The following CTR9 variants were observed in gnomAD, a reference collection of about 807,000 sequenced individuals.
CTR9 encodes the protein RNA polymerase-associated protein CTR9 homolog.
A neutral mutation model predicts 152.1 loss-of-function variants in CTR9; 41 were observed. That is an observed-to-expected ratio of 0.27 (90% CI 0.21 to 0.35). The LOEUF is 0.35. Ranked by LOEUF, CTR9 falls within the 10% of genes least tolerant of loss-of-function variation. The pLI, the probability that CTR9 is intolerant of heterozygous loss-of-function variation, is 1.00. For synonymous variants in CTR9, 476 were observed against 496.2 expected (o/e 0.96, Z 0.54); for missense variants, 917 against 1,424.4 (o/e 0.64, Z 5.73).
At chr11:10,777,006 A>T (rs927368969) in intron 24 of CTR9, among the ~76,000 whole-genome samples, 2 of 142,852 alleles carry the variant, frequency 1.4e-5, no homozygotes, top group Non-Finnish European at 3.0e-5. Flanking sequence ...AGCTCACATT[A>T]TAGTTGGATT....
intron 12 of CTR9, 49 bp from the exon 13 acceptor site, chr11:10,766,353 C>A (rs747514862): frequency 2.2e-6 from 3 of 1,371,606 alleles, no homozygotes; most frequent in Admixed American, 2.0e-5. Flanking sequence ...AAATTATGAT[C>A]CTTTATAGCT....
In CTR9 at chr11:10,763,872, T is replaced by C. The variant is rs1423755441; in HGVS notation, c.1187T>C (p.Ile396Thr). Residue 396 changes from isoleucine (I) to threonine (T), a missense_variant, in exon 9 of 25, where the codon ATT becomes ACT. Around this residue, in one of 9 missense-constraint regions of CTR9, gnomAD observed 133 missense variants for 244.1 expected, o/e 0.54. Coordinates refer to ENST00000361367, the MANE Select transcript of CTR9 (RefSeq NM_014633.5). ...AASEDQEKRD[I>T]AKGHLKKVTE... ...TCAGAAGATCAAGAAAAACGAGATA[T>C]TGCCAAGGTACATCTTTTTTTTAAA... 2.5e-6 allele frequency: 4 copies of C among 1,599,512 alleles called. No homozygotes were observed. The East Asian group carries it at 6.7e-5, about 27-fold the overall frequency.
chr11:10,775,637 G>T lies in CTR9; in HGVS notation c.3095+4G>T. 1 of 1,577,638 alleles carries T rather than the reference G, an allele frequency of 6.3e-7. No individual in the cohort carries two copies. The highest frequency in any genetic ancestry group is 8.7e-7 in the Non-Finnish European group (1 of 1,149,494). ...AACTTAAAATTGCTGATGAAGGGTA[G>T]GATATTTTCTCTTTGTAAATTCTTC... is the stretch of plus-strand genomic sequence containing the variant. On this transcript the variant is annotated splice_donor_region_variant and intron_variant, in intron 24 of 24. Transcript: ENST00000361367.
intron 21 of CTR9, 97 bp from the exon 22 acceptor site, chr11:10,773,915 C>G (rs117224527): frequency 1.5e-6 from 1 of 668,988 alleles, no homozygotes; most frequent in Non-Finnish European, 2.4e-6. Context: ...CCTTCATTGT[C>G]AAATGACAAT....
Position 10,755,130 on chromosome 11 carries a change from A to G in CTR9, c.317A>G (p.Lys106Arg). 1 of 1,614,050 alleles carries G rather than the reference A, an allele frequency of 6.2e-7. No homozygotes were observed. Among genetic ancestry groups the G allele is most frequent in the Non-Finnish European group, 8.5e-7 (1 of 1,179,934 alleles). ...QARKEKNKDN[K>R]KDLITQATLL... ...CGGAAAGAAAAGAATAAGGACAATA[A>G]AAAGGATCTTATTACACAGGCCACC... Residue 106 changes from lysine to arginine, a missense_variant, in exon 3 of 25, where the codon AAA becomes AGA. By Grantham distance (26) the Lys-to-Arg change is conservative. This residue lies in a region of CTR9 where 67 missense variants were observed against 106.9 expected (regional missense o/e 0.63). Transcript: ENST00000361367.
chr11:10,766,780 T>C lies in CTR9; in HGVS notation c.1686+290T>C, dbSNP rs16908279. Among the ~76,000 whole-genome samples the C allele has an allele frequency of 0.02, 3,089 of 152,298 alleles. 108 individuals are homozygous for C. The highest frequency in any genetic ancestry group is 0.07 in the African/African-American group (2,920 of 41,558). ...AACAAATGTGACCTGACTCCTGTGT[T>C]TTTTACTCTCACTAGTTTACTTCAC... On this transcript the variant is annotated intron_variant, in intron 13 of 24. Transcript: ENST00000361367.
At chr11:10,761,573 G>T (rs1418225298) in intron 6 of CTR9, among the ~76,000 whole-genome samples, 1 of 151,902 alleles carries the variant, frequency 6.6e-6, no homozygotes, top group East Asian at 1.9e-4. Flanking sequence ...TCATGCCAGT[G>T]TACTCCATCC....
chr11:10,775,262 C>T lies in CTR9; in HGVS notation c.2941C>T (p.Pro981Ser), dbSNP rs964105038. 6.2e-7 allele frequency: 1 copy of T among 1,613,824 alleles called. No homozygotes were observed. The change falls in exon 23 of 25, where the codon CCA (proline) becomes TCA (serine). Residue 981 changes from proline (P) to serine (S), a missense_variant. Physicochemically the swap from Pro to Ser is moderately conservative, Grantham distance 74. Around this residue, in one of 9 missense-constraint regions of CTR9, gnomAD observed 384 missense variants for 398.4 expected, o/e 0.96. Transcript: ENST00000361367. Reference protein sequence around the residue: ...DDDETENGPKPKKRRPPKAEK... With the variant: ...DDDETENGPKSKKRRPPKAEK... ...TGATGAAACAGAAAATGGCCCCAAA[C>T]CAAAAAAACGACGTCCACCAAAAGC...
intron 4 of CTR9, 141 bp from the exon 5 acceptor site, chr11:10,756,606 CAA>C (rs938096513): frequency 1.7e-5 from 9 of 538,530 alleles, no homozygotes; most frequent in African/African-American, 5.9e-5. Context: ...TTATGAAAAA[CAA>C]ATTTTTAATA....
chr11:10,751,297 G>A lies in CTR9; in HGVS notation c.-116G>A, dbSNP rs1172779980. ...GAAGCCAGAGCTCCAGCGGCGCCGC[G>A]GGGCGGCAGTCAAGACCAGAGCCGG... On this transcript the variant is annotated 5_prime_UTR_variant, in exon 1 of 25. Transcript: ENST00000361367. 2 of 1,091,380 alleles carry A rather than the reference G, an allele frequency of 1.8e-6. No individual in the cohort carries two copies. The highest frequency in any genetic ancestry group is 3.1e-5 in the African/African-American group (2 of 64,554). 67.6% of individuals were successfully genotyped at this position (1,091,380 alleles called of 1,614,324 possible).
chr11:10,778,681 A>G lies in CTR9; in HGVS notation c.3098A>G (p.His1033Arg), dbSNP rs775961855. Reference protein sequence around the residue: ...EDKLKIADEGHPRNSNSNSDS... With the variant: ...EDKLKIADEGRPRNSNSNSDS... ...TAACCAATGATCATCTTTGCCAGAC[A>G]TCCCAGGAACAGCAACAGCAACAGT... The change falls in exon 25 of 25, where the codon CAT becomes CGT. Residue 1033 changes from histidine to arginine, a missense_variant and splice_region_variant. His to Arg is a conservative substitution (Grantham distance 29). Coordinates refer to ENST00000361367, the MANE Select transcript of CTR9 (RefSeq NM_014633.5). The G allele has an allele frequency of 1.9e-6, 3 of 1,607,218 alleles. No homozygotes were observed. The highest frequency in any genetic ancestry group is 4.5e-5 in the East Asian group (2 of 44,712).
chr11:10,763,353 A>G (rs1863007627), intron 7 of CTR9, 78 bp from the exon 8 acceptor site: 1 of 928,480 alleles, frequency 1.1e-6, no homozygotes, highest in East Asian at 2.4e-5. Context: ...CAGGTAAACG[A>G]AGTGTTAGTC....
At chr11:10,773,964 A>G (rs1228541712) in intron 21 of CTR9, 48 bp from the exon 22 acceptor site, 3 of 1,410,106 alleles carry the variant, frequency 2.1e-6, no homozygotes, top group Non-Finnish European at 2.9e-6. Context: ...TTCTAACCAC[A>G]TTCCACCAAC....
intron 23 of CTR9, 64 bp downstream of exon 23, chr11:10,775,367 A>G: frequency 1.4e-6 from 2 of 1,452,558 alleles, no homozygotes; most frequent in Non-Finnish European, 1.9e-6. Flanking sequence ...GTACACTAGA[A>G]TACATTCTTT....
At chr11:10,770,374 T>C in intron 17 of CTR9, 48 bp downstream of exon 17, 1 of 1,588,738 alleles carries the variant, frequency 6.3e-7, no homozygotes, top group Non-Finnish European at 8.6e-7. Flanking sequence ...CTACATTGTA[T>C]TTTTTAATTC....
At chr11:10,759,792 C>T (rs1862947335) in intron 5 of CTR9, among the ~76,000 whole-genome samples, 1 of 152,134 alleles carries the variant, frequency 6.6e-6, no homozygotes, top group African/African-American at 2.4e-5. Flanking sequence ...TTGAAAGGAA[C>T]AATGGTATGT....
At chr11:10,770,041 A>G (rs1863119086) in intron 16 of CTR9, among the ~76,000 whole-genome samples, 169 bp from the exon 17 acceptor site, 1 of 152,260 alleles carries the variant, frequency 6.6e-6, no homozygotes, top group Non-Finnish European at 1.5e-5. Flanking sequence ...GTGAAAATGT[A>G]TCCTGATGAA....
chr11:10,774,538 T>C (rs1863200115), intron 22 of CTR9, among the ~76,000 whole-genome samples: 2 of 152,376 alleles, frequency 1.3e-5, no homozygotes, highest in South Asian at 4.1e-4. Flanking sequence ...CTGTCGTTGG[T>C]AACAGCAATG....
intron 4 of CTR9, among the ~76,000 whole-genome samples, chr11:10,756,419 C>T (rs1161468825): frequency 6.6e-6 from 1 of 152,112 alleles, no homozygotes; most frequent in Non-Finnish European, 1.5e-5. Flanking sequence ...CTCCACCCTC[C>T]AAAAGGCCCC....
Sources: allele counts gnomAD v4.1 joint callset (sites outside exome capture counted in the v4.1 genomes callset), GRCh38; gene constraint gnomAD v4.1.1; regional missense constraint gnomAD v4.1.1; transcripts MANE v1.5; gene names NCBI Gene and HGNC (gene_info 2026-07-23, HGNC 2026-07-21).